BLK: variants seen among roughly 807,000 people sequenced by gnomAD.
BLK encodes BLK proto-oncogene, Src family tyrosine kinase.
Under a neutral mutation model 61.8 loss-of-function variants are expected in BLK, and 64 were observed. The observed-to-expected ratio is 1.03, with a 90% CI of 0.85 to 1.27. The LOEUF is 1.27. Ranked by LOEUF, BLK falls within the 50% of genes most tolerant of loss-of-function variation. The probability of loss-of-function intolerance (pLI) is 0.00; values close to 1 mark genes in which losing one functional copy is unlikely to be tolerated. For missense variants in BLK, 853 were observed against 660.5 expected (o/e 1.29, Z -3.19); for synonymous variants, 351 against 272.0 (o/e 1.29, Z -2.86).
intron 1 of BLK, among the ~76,000 whole-genome samples, chr8:11,508,795 CG>C (rs1443900054): frequency 1.3e-5 from 2 of 152,322 alleles, no homozygotes; most frequent in South Asian, 4.1e-4. Context: ...TGATGGGGGC[CG>C]GTCCTGCCCT....
intron 8 of BLK, 32 bp downstream of exon 8, chr8:11,555,516 C>A (rs2117551298): frequency 6.2e-7 from 1 of 1,613,708 alleles, no homozygotes; most frequent in South Asian, 1.1e-5. Flanking sequence ...AGCATTTCTC[C>A]CCCCATTCCA....
chr8:11,558,773 A>G, intron 10 of BLK: 1 of 456,214 alleles, frequency 2.2e-6, no homozygotes, highest in Non-Finnish European at 4.4e-6. Flanking sequence ...CTCTCAGCAG[A>G]AAAGTTTTGG....
At chr8:11,553,299 C>CG (rs1248887815) in intron 6 of BLK, 1 of 350,246 alleles carries the variant, frequency 2.9e-6, no homozygotes, top group Non-Finnish European at 5.7e-6. Flanking sequence ...CAAAGGCAGG[C>CG]GGTCCTTCAG....
intron 1 of BLK, among the ~76,000 whole-genome samples, chr8:11,514,896 A>G (rs1799162502): frequency 6.6e-6 from 1 of 152,190 alleles, no homozygotes; most frequent in Admixed American, 6.5e-5. Context: ...CCCACCAGTC[A>G]GCAATACCTG....
chr8:11,561,276 C>T lies in BLK; in HGVS notation c.1030-26C>T, dbSNP rs368828603. Reference sequence around the variant, plus strand: ...CTTGGCGTGGAGGCCCCCAGGCTGTCCTTCACCATGTGCCTGTTCCCTCAG... The same window carrying T: ...CTTGGCGTGGAGGCCCCCAGGCTGTTCTTCACCATGTGCCTGTTCCCTCAG... On this transcript the variant is annotated intron_variant, in intron 10 of 12. Transcript: ENST00000259089. 9 of 1,608,864 alleles carry T rather than the reference C, an allele frequency of 5.6e-6. No homozygotes were observed. In the African/African-American group the frequency reaches 1.1e-4, roughly 19 times the overall value.
chr8:11,553,301 G>C (rs1801005526), intron 6 of BLK: 1 of 357,134 alleles, frequency 2.8e-6, no homozygotes, highest in Non-Finnish European at 5.5e-6. Context: ...AAGGCAGGCG[G>C]TCCTTCAGTG....
chr8:11,496,087 T>C (rs1798349437), intron 1 of BLK, among the ~76,000 whole-genome samples: 6 of 152,210 alleles, frequency 3.9e-5, no homozygotes, highest in Admixed American at 3.9e-4. Flanking sequence ...ATAGCAGGCC[T>C]TTTGAATTTT....
At chr8:11,494,777 T>C (rs1282125178) in intron 1 of BLK, among the ~76,000 whole-genome samples, 186 bp downstream of exon 1, 1 of 152,174 alleles carries the variant, frequency 6.6e-6, no homozygotes, top group Non-Finnish European at 1.5e-5. Context: ...CATTTCCAGT[T>C]TTGAGAATTT....
chr8:11,521,087 G>A (rs931377487), intron 1 of BLK, among the ~76,000 whole-genome samples: 1 of 152,086 alleles, frequency 6.6e-6, no homozygotes, highest in East Asian at 1.9e-4. Flanking sequence ...TTCTATGCAG[G>A]AAAAGACAGA....
rs942821581 is a variant in BLK at position 11,564,117 on chromosome 8, G to T, written c.*9G>T. 2 of 1,545,246 alleles carry T rather than the reference G, an allele frequency of 1.3e-6. No individual in the cohort carries two copies. Among genetic ancestry groups the T allele is most frequent in the Admixed American group, 1.9e-5 (1 of 51,980 alleles). On this transcript the variant is annotated 3_prime_UTR_variant, in exon 13 of 13. Coordinates refer to ENST00000259089, the MANE Select transcript of BLK (RefSeq NM_001715.3). ...ACGAGCTGCAGCCCTAGCCGGCCGC[G>T]CCCGCCTGCGCCCCGTGCCCACCTC...
At chr8:11,518,827 G>T (rs1236652617) in intron 1 of BLK, among the ~76,000 whole-genome samples, 2 of 152,136 alleles carry the variant, frequency 1.3e-5, no homozygotes, top group Admixed American at 1.3e-4. Context: ...GCCTCTTTCT[G>T]CTCTGGGAAT....
intron 6 of BLK, 80 bp downstream of exon 6, chr8:11,550,342 G>C: frequency 7.4e-7 from 1 of 1,348,438 alleles, no homozygotes; most frequent in Middle Eastern, 2.5e-4. Context: ...CCTGGAGTGA[G>C]AGGGGAAGGG....
rs1437057604 is a variant in BLK, at chr8:11,564,043, T to A, written c.1453T>A (p.Phe485Ile). The change falls in exon 13 of 13, where the codon TTC (phenylalanine) becomes ATC (isoleucine). Residue 485 changes from phenylalanine to isoleucine, a missense_variant. Phe to Ile is a conservative substitution (Grantham distance 21, BLOSUM62 0). Transcript: ENST00000259089. ...SRPEERPTFEFLQSVLEDFYT... is the reference protein window; with the variant it reads ...SRPEERPTFEILQSVLEDFYT... ...GCCCGAGGAGCGGCCCACCTTCGAG[T>A]TCCTGCAGTCGGTGCTGGAGGACTT... The A allele has an allele frequency of 6.2e-7, 1 of 1,603,738 alleles. No homozygotes were observed.
At chr8:11,555,203 G>T (rs1159965829) in intron 7 of BLK, 129 bp from the exon 8 acceptor site, 1 of 1,243,496 alleles carries the variant, frequency 8.0e-7, no homozygotes, top group Admixed American at 1.7e-5. Context: ...ATGTGCAGGC[G>T]TGTGCACACA....
At chr8:11,529,159 C>T (rs73209291) in intron 1 of BLK, among the ~76,000 whole-genome samples, 3,317 of 152,180 alleles carry the variant, frequency 0.022, 47 homozygotes, top group Middle Eastern at 0.031. Context: ...AAGTGTAAAT[C>T]GCCCAGTGGG....
intron 1 of BLK, among the ~76,000 whole-genome samples, chr8:11,500,376 G>T (rs1377153426): frequency 1.4e-5 from 2 of 147,140 alleles, no homozygotes; most frequent in African/African-American, 2.5e-5. Context: ...GTATTTTTTT[G>T]ATAGAGACAG....
Position 11,546,065 on chromosome 8 carries a change from A to G in BLK, c.137A>G (p.His46Arg), listed in dbSNP as rs1800622716. 1 of 1,614,140 alleles carries G rather than the reference A, an allele frequency of 6.2e-7. No individual in the cohort carries two copies. ...PPLPPLVVFN[H>R]LTPPPPDEHL... Reference sequence around the variant, plus strand: ...TTTCTACCCAAGGTTGTCTTCAACCACCTTACTCCTCCACCGCCCGATGAA... The same window carrying G: ...TTTCTACCCAAGGTTGTCTTCAACCGCCTTACTCCTCCACCGCCCGATGAA... Residue 46 changes from histidine to arginine, a missense_variant, in exon 3 of 13, where the codon CAC (histidine) becomes CGC (arginine). Coordinates refer to ENST00000259089, the MANE Select transcript of BLK (RefSeq NM_001715.3).
chr8:11,557,872 C>A, intron 9 of BLK, 90 bp from the exon 10 acceptor site: 5 of 1,165,934 alleles, frequency 4.3e-6, no homozygotes, highest in Non-Finnish European at 6.4e-6. Context: ...CTTCCCGCGC[C>A]CATGGGGAGC....
At chr8:11,516,776 A>C (rs2117311888) in intron 1 of BLK, among the ~76,000 whole-genome samples, 1 of 152,294 alleles carries the variant, frequency 6.6e-6, no homozygotes, top group South Asian at 2.1e-4. Flanking sequence ...TTCCTTTGTA[A>C]GACTGGATTC....
Sources: gnomAD v4.1 joint callset for allele counts (sites outside exome capture counted in the v4.1 genomes callset) on GRCh38, gnomAD v4.1.1 for gene constraint, MANE v1.5 for transcripts, NCBI Gene and HGNC (gene_info 2026-07-23, HGNC 2026-07-21) for gene names.